The following MAGI3 variants were observed in gnomAD, a reference collection of about 807,000 sequenced individuals.
MAGI3 encodes membrane associated guanylate kinase, WW and PDZ domain containing 3, also known as membrane-associated guanylate kinase, WW and PDZ domain-containing protein 3.
MAGI3 carries 43 observed loss-of-function variants against 121.8 expected under a neutral mutation model. The ratio of observed to expected loss-of-function variants is 0.35; its 90% CI spans 0.28 to 0.46. The LOEUF is 0.46. Among genes scored for constraint, MAGI3 ranks in the 20% least tolerant of loss-of-function variants. The probability of loss-of-function intolerance (pLI) is 1.00; values close to 1 mark genes in which losing one functional copy is unlikely to be tolerated. For missense variants in MAGI3, 1,547 were observed against 1,797.3 expected, an observed-to-expected ratio of 0.86 and a Z score of 2.52; for synonymous variants, 553 against 639.3, an observed-to-expected ratio of 0.86 and a Z score of 2.04.
intron 1 of MAGI3, among the ~76,000 whole-genome samples, chr1:113,472,938 T>C (rs771462897): frequency 1.3e-5 from 2 of 152,214 alleles, no homozygotes; most frequent in Non-Finnish European, 2.9e-5. Context: ...TTATTATAGC[T>C]AAGTTGTTTT....
intron 6 of MAGI3, among the ~76,000 whole-genome samples, chr1:113,609,349 C>G (rs1190129042): frequency 6.6e-6 from 1 of 152,214 alleles, no homozygotes; most frequent in Non-Finnish European, 1.5e-5. Context: ...AAAGACCTTA[C>G]AGTTTCTAAA....
chr1:113,630,485 C>G (rs1435271014), intron 9 of MAGI3, among the ~76,000 whole-genome samples: 1 of 152,156 alleles, frequency 6.6e-6, no homozygotes, highest in East Asian at 1.9e-4. Context: ...CTGCACGACA[C>G]AGTCACCTTT....
chr1:113,607,736 T>C (rs571629759), intron 6 of MAGI3, among the ~76,000 whole-genome samples: 6 of 152,278 alleles, frequency 3.9e-5, no homozygotes, highest in Admixed American at 1.3e-4. Context: ...CTTGGAGATA[T>C]TATGTAAGAC....
At chr1:113,449,057 G>A (rs183894776) in intron 1 of MAGI3, among the ~76,000 whole-genome samples, 429 of 151,586 alleles carry the variant, frequency 2.8e-3, no homozygotes, top group Admixed American at 6.8e-3. Context: ...GGCAGAGGTT[G>A]TGGTGAGCCG....
chr1:113,480,373 C>G (rs908305133), intron 1 of MAGI3, among the ~76,000 whole-genome samples: 3 of 151,878 alleles, frequency 2.0e-5, no homozygotes, highest in Middle Eastern at 3.2e-3. Flanking sequence ...GGGAGTTCTA[C>G]AGTTAAGGGC....
At chr1:113,463,935 TAC>T (rs948707120) in intron 1 of MAGI3, among the ~76,000 whole-genome samples, 10 of 152,106 alleles carry the variant, frequency 6.6e-5, no homozygotes, top group African/African-American at 2.4e-4. Context: ...TCCTATAACT[TAC>T]AGAGATCAAA....
At chr1:113,443,206 G>T (rs1261020527) in intron 1 of MAGI3, among the ~76,000 whole-genome samples, 3 of 152,004 alleles carry the variant, frequency 2.0e-5, no homozygotes, top group African/African-American at 4.8e-5. Flanking sequence ...TATACAGCCC[G>T]CTGGTTCTGT....
At chr1:113,647,161 T>C (rs1338552216) in intron 12 of MAGI3, among the ~76,000 whole-genome samples, 1 of 152,118 alleles carries the variant, frequency 6.6e-6, no homozygotes, top group African/African-American at 2.4e-5. Context: ...AAGGGAAAGA[T>C]AGAAGGAATA....
chr1:113,423,244 TCG>T (rs1428265947), intron 1 of MAGI3, among the ~76,000 whole-genome samples: 11 of 100,182 alleles, frequency 1.1e-4, no homozygotes, highest in Admixed American at 1.2e-4. Flanking sequence ...TGGTAAGTAT[TCG>T]TTTTTTTTTT....
chr1:113,651,201 A>G lies in MAGI3; in HGVS notation c.2435A>G (p.Tyr812Cys), dbSNP rs367730325. ...VLLTVRRKIF[Y>C]GEKQPEDDSS... is the part of the protein sequence containing the mutation. ...CTAACTGTCAGACGGAAGATCTTCT[A>G]TGGAGGTGTGTGAACTTGTTCCTGC... Residue 812 changes from tyrosine (Y) to cysteine (C), a missense_variant, in exon 14 of 21, where the codon TAT becomes TGT. Tyr to Cys is a radical substitution (Grantham distance 194, BLOSUM62 -2). Coordinates refer to ENST00000307546, the MANE Select transcript of MAGI3 (RefSeq NM_001142782.2). The G allele has an allele frequency of 2.1e-5, 33 of 1,607,118 alleles. No individual in the cohort carries two copies. Among genetic ancestry groups the G allele is most frequent in the Admixed American group, 6.9e-5 (4 of 58,054 alleles).
At chr1:113,568,052 A>G (rs1660505240) in intron 2 of MAGI3, among the ~76,000 whole-genome samples, 1 of 152,060 alleles carries the variant, frequency 6.6e-6, no homozygotes, top group African/African-American at 2.4e-5. Flanking sequence ...TTTGTATTAA[A>G]TTATATTAAA....
At chr1:113,675,107 G>C (rs917194598) in intron 19 of MAGI3, among the ~76,000 whole-genome samples, 1 of 152,222 alleles carries the variant, frequency 6.6e-6, no homozygotes, top group African/African-American at 2.4e-5. Context: ...CCTAGGCAGT[G>C]GGAAGCCATG....
At chr1:113,611,866 A>G (rs913036714) in intron 6 of MAGI3, among the ~76,000 whole-genome samples, 1 of 152,156 alleles carries the variant, frequency 6.6e-6, no homozygotes, top group African/African-American at 2.4e-5. Context: ...ATTATGGAAA[A>G]TACCAAGCAT....
intron 2 of MAGI3, among the ~76,000 whole-genome samples, chr1:113,572,253 C>T (rs747829619): frequency 7.9e-5 from 12 of 152,148 alleles, no homozygotes; most frequent in Non-Finnish European, 1.6e-4. Flanking sequence ...CCAACTGGAT[C>T]GTGGTGGATG....
At chr1:113,477,640 C>T (rs1655897131) in intron 1 of MAGI3, among the ~76,000 whole-genome samples, 1 of 152,178 alleles carries the variant, frequency 6.6e-6, no homozygotes, top group Non-Finnish European at 1.5e-5. Context: ...CTCGACCTTT[C>T]TCTCTGGCTG....
chr1:113,615,474 C>A (rs1294504374), intron 7 of MAGI3, among the ~76,000 whole-genome samples: 1 of 152,132 alleles, frequency 6.6e-6, no homozygotes, highest in African/African-American at 2.4e-5. Flanking sequence ...AAGTAACAAA[C>A]ACAATCATCT....
chr1:113,541,876 C>G (rs1659302996), intron 1 of MAGI3, among the ~76,000 whole-genome samples: 1 of 152,194 alleles, frequency 6.6e-6, no homozygotes, highest in South Asian at 2.1e-4. Context: ...TTCTAAGAGC[C>G]AGCAACACTG....
intron 1 of MAGI3, among the ~76,000 whole-genome samples, chr1:113,507,136 T>C (rs1657372606): frequency 6.6e-6 from 1 of 151,606 alleles, no homozygotes; most frequent in Admixed American, 6.6e-5. Flanking sequence ...AAGTAAAAAG[T>C]TGGGGAAAGG....
chr1:113,603,948 C>T (rs1026607263), intron 6 of MAGI3, among the ~76,000 whole-genome samples: 1 of 152,074 alleles, frequency 6.6e-6, no homozygotes, highest in Non-Finnish European at 1.5e-5. Flanking sequence ...TGAGATACCA[C>T]CTTATTCCAG....
Sources: gnomAD v4.1 joint callset for allele counts (sites outside exome capture counted in the v4.1 genomes callset) on GRCh38, gnomAD v4.1.1 for gene constraint, MANE v1.5 for transcripts, NCBI Gene and HGNC (gene_info 2026-07-23, HGNC 2026-07-21) for gene names.